Variants in NIPBL observed in about 807,000 individuals in gnomAD.
NIPBL encodes nipped-B-like protein.
A neutral mutation model predicts 321.8 loss-of-function variants in NIPBL; 19 were observed. That is an observed-to-expected ratio of 0.06 (90% confidence interval 0.04 to 0.09). The LOEUF is 0.09. Ranked by LOEUF, NIPBL falls within the 10% of genes least tolerant of loss-of-function variation. NIPBL has a pLI of 1.00. For missense variants in NIPBL, 2,210 were observed against 3,327.0 expected (o/e 0.66, Z 8.26); for synonymous variants, 1,106 against 1,114.1 (o/e 0.99, Z 0.14).
At chr5:37,041,971 G>A (rs1206296486) in intron 34 of NIPBL, among the ~76,000 whole-genome samples, 4 of 152,020 alleles carry the variant, frequency 2.6e-5, no homozygotes, top group Non-Finnish European at 4.4e-5. Flanking sequence ...CTCATTATGG[G>A]AAACAACAGG....
At chr5:36,966,498 T>G (rs1742220439) in intron 6 of NIPBL, among the ~76,000 whole-genome samples, 1 of 152,076 alleles carries the variant, frequency 6.6e-6, no homozygotes, top group African/African-American at 2.4e-5. Context: ...GTATCAGTGG[T>G]GTTTAGGTGG....
intron 8 of NIPBL, among the ~76,000 whole-genome samples, chr5:36,972,510 C>CT (rs1348054068): frequency 6.6e-6 from 1 of 151,980 alleles, no homozygotes; most frequent in Non-Finnish European, 1.5e-5. Context: ...ACTCATTGTA[C>CT]TTTTTTCCCT....
chr5:36,885,947 A>G (rs1037130228), intron 1 of NIPBL: 9 of 735,486 alleles, frequency 1.2e-5, no homozygotes, highest in South Asian at 2.7e-5. Flanking sequence ...CGCCAAGATC[A>G]TGGCAGACAT....
intron 1 of NIPBL, among the ~76,000 whole-genome samples, chr5:36,952,073 CATGT>C (rs1164697945): frequency 1.6e-5 from 2 of 122,678 alleles, no homozygotes. Flanking sequence ...CGCGCGCGCG[CATGT>C]GTGTGTGTAG....
chr5:36,926,190 CA>C (rs1421161131), intron 1 of NIPBL, among the ~76,000 whole-genome samples: 11 of 152,166 alleles, frequency 7.2e-5, no homozygotes, highest in African/African-American at 1.9e-4. Context: ...AAAAACAAAA[CA>C]AAAAAATGTT....
chr5:36,891,507 G>A (rs1746330337), intron 1 of NIPBL, among the ~76,000 whole-genome samples: 2 of 152,110 alleles, frequency 1.3e-5, no homozygotes, highest in South Asian at 4.1e-4. Context: ...ACTAAGTTTT[G>A]AAGGCTGTTA....
chr5:36,913,863 G>A (rs1268371778), intron 1 of NIPBL, among the ~76,000 whole-genome samples: 1 of 152,132 alleles, frequency 6.6e-6, no homozygotes, highest in Non-Finnish European at 1.5e-5. Flanking sequence ...AAATGGACCA[G>A]AATAAATTAT....
intron 1 of NIPBL, among the ~76,000 whole-genome samples, chr5:36,930,112 A>C (rs1749670324): frequency 6.6e-6 from 1 of 152,062 alleles, no homozygotes; most frequent in African/African-American, 2.4e-5. Context: ...TATGGAAAAA[A>C]AACAGCTGGG....
chr5:36,912,006 C>T (rs551012781), intron 1 of NIPBL, among the ~76,000 whole-genome samples: 1 of 151,958 alleles, frequency 6.6e-6, no homozygotes, highest in Non-Finnish European at 1.5e-5. Context: ...TGATCAAATT[C>T]GTGTTTTAAA....
chr5:36,885,281 G>A, intron 1 of NIPBL: 1 of 506,060 alleles, frequency 2.0e-6, no homozygotes, highest in East Asian at 5.3e-5. Context: ...CAGCTATGGT[G>A]CCTGACTGGT....
chr5:37,036,076 C>T (rs1751648699), intron 32 of NIPBL, among the ~76,000 whole-genome samples: 1 of 151,894 alleles, frequency 6.6e-6, no homozygotes, highest in Admixed American at 6.6e-5. Flanking sequence ...GGAAGGTCAT[C>T]TTTTCTACAT....
chr5:37,064,503 T>A, intron 46 of NIPBL, 24 bp from the exon 47 acceptor site: 1 of 1,609,202 alleles, frequency 6.2e-7, no homozygotes, highest in South Asian at 1.1e-5. Flanking sequence ...ACTTGGTCTT[T>A]TTTCCCCCCT....
At chr5:36,992,323 A>G (rs1432010638) in intron 10 of NIPBL, among the ~76,000 whole-genome samples, 2 of 152,222 alleles carry the variant, frequency 1.3e-5, no homozygotes, top group Non-Finnish European at 2.9e-5. Context: ...TTGGCAAGCA[A>G]CAATAATCCC....
chr5:37,000,743 AAAACT>A, intron 12 of NIPBL, 69 bp from the exon 13 acceptor site: 1 of 1,413,674 alleles, frequency 7.1e-7, no homozygotes, highest in South Asian at 1.2e-5. Context: ...GTTCAGGAAA[AAAACT>A]AGAAACAAAA....
At chr5:37,022,840 AT>A (rs1749805893) in intron 29 of NIPBL, among the ~76,000 whole-genome samples, 2 of 152,216 alleles carry the variant, frequency 1.3e-5, no homozygotes, top group South Asian at 4.1e-4. Context: ...CTTAAAGCTG[AT>A]TAATGATAGC....
In NIPBL at chr5:36,985,827, T is replaced by G; in HGVS notation, c.2647T>G (p.Ser883Ala). 6.2e-7 allele frequency: 1 copy of G among 1,613,850 alleles called. No homozygotes were observed. Among genetic ancestry groups the G allele is most frequent in the Middle Eastern group, 1.6e-4 (1 of 6,062 alleles). ...ESGDSRERPS[S>A]GEQKSRPDSP... The stretch of plus-strand genomic sequence containing the variant: ...AGGGGACTCAAGGGAAAGACCATCT[T>G]CTGGGGAACAAAAATCAAGACCTGA... The change falls in exon 10 of 47, where the codon TCT becomes GCT. Residue 883 changes from serine to alanine, a missense_variant. Coordinates refer to ENST00000282516, the MANE Select transcript of NIPBL (RefSeq NM_133433.4).
Position 37,063,929 on chromosome 5 carries a change from CAGA to C in NIPBL, c.8004_8006del (p.Glu2668del). 1 of 1,613,924 alleles carries C rather than the reference CAGA, an allele frequency of 6.2e-7. No individual in the cohort carries two copies. The highest frequency in any genetic ancestry group is 8.5e-7 in the Non-Finnish European group (1 of 1,180,006). Reference sequence around the variant, plus strand: ...CCTAAAAATAATACAGCAGCAGAGACAGAAGATGATGAAAGTGATGGGGAGGAT... The same window carrying C: ...CCTAAAAATAATACAGCAGCAGAGACAGATGATGAAAGTGATGGGGAGGAT... On this transcript the variant is annotated inframe_deletion, in exon 46 of 47. Coordinates refer to ENST00000282516, the MANE Select transcript of NIPBL (RefSeq NM_133433.4).
At chr5:36,998,900 A>T (rs1354783989) in intron 11 of NIPBL, among the ~76,000 whole-genome samples, 1 of 152,194 alleles carries the variant, frequency 6.6e-6, no homozygotes, top group Non-Finnish European at 1.5e-5. Context: ...CGTCATAACC[A>T]AATTCATACC....
rs949108161 is a variant in NIPBL, at chr5:37,065,370, C to A, written c.*478C>A. The A allele has an allele frequency of 6.3e-6, 1 of 158,108 alleles. No homozygotes were observed. The highest frequency in any genetic ancestry group is 1.8e-4 in the South Asian group (1 of 5,458). The allele number at this position is 158,108 out of a possible 1,614,324, so 9.8% of individuals were successfully genotyped here. A position where few individuals can be genotyped will look rare whatever the true frequency, so the allele number is the denominator to read the frequency against. On this transcript the variant is annotated 3_prime_UTR_variant, in exon 47 of 47. Coordinates refer to ENST00000282516, the MANE Select transcript of NIPBL (RefSeq NM_133433.4). ...AAAAAAAAGCATGCAGTATCTATGA[C>A]CTATCTGCAGAAGGAGTTTTTGTAA...
Sources: gnomAD v4.1 joint callset for allele counts (sites outside exome capture counted in the v4.1 genomes callset) on GRCh38, gnomAD v4.1.1 for gene constraint, MANE v1.5 for transcripts, NCBI Gene and HGNC (gene_info 2026-07-23, HGNC 2026-07-21) for gene names.